SAMD5: variants seen among roughly 807,000 people sequenced by gnomAD.
SAMD5 encodes sterile alpha motif domain-containing protein 5.
Under a neutral mutation model 11.3 loss-of-function variants are expected in SAMD5, and 13 were observed. That is an observed-to-expected ratio of 1.15 (90% confidence interval 0.75 to 1.83). The LOEUF (loss-of-function observed/expected upper bound fraction) is 1.83. SAMD5 is among the 40% of genes most tolerant of loss of function. The pLI is 0.00. For missense variants in SAMD5, 255 were observed against 239.1 expected, an observed-to-expected ratio of 1.07 and a Z score of -0.44; for synonymous variants, 129 against 111.3, an observed-to-expected ratio of 1.16 and a Z score of -1.00.
chr6:147,784,503 T>A, the SAMD5 span, among the ~76,000 whole-genome samples: 1 of 152,202 alleles, frequency 6.6e-6, no homozygotes, highest in African/African-American at 2.4e-5. Context: ...GACATCTCAA[T>A]ATATGTTTTG....
chr6:147,631,840 T>C (rs1208172300), intron 1 of SAMD5, among the ~76,000 whole-genome samples: 1 of 152,126 alleles, frequency 6.6e-6, no homozygotes, highest in Non-Finnish European at 1.5e-5. Flanking sequence ...GAATAGCAGA[T>C]GGAACACTGA....
At chr6:147,532,655 A>C (rs1788447444) in intron 1 of SAMD5, among the ~76,000 whole-genome samples, 1 of 152,162 alleles carries the variant, frequency 6.6e-6, no homozygotes, top group Admixed American at 6.5e-5. Flanking sequence ...CTCAGCAGTG[A>C]GATTACTGGA....
chr6:147,669,826 G>T (rs1790772663), intron 1 of SAMD5, among the ~76,000 whole-genome samples: 1 of 151,982 alleles, frequency 6.6e-6, no homozygotes. Context: ...TCATTCATGA[G>T]GATTGGAATC....
At chr6:147,632,249 A>C (rs182701299) in intron 1 of SAMD5, among the ~76,000 whole-genome samples, 156 of 152,276 alleles carry the variant, frequency 1.0e-3, no homozygotes, top group Middle Eastern at 3.4e-3. Flanking sequence ...CCTTGAGAAG[A>C]GTTTTTATTA....
the SAMD5 span, among the ~76,000 whole-genome samples, chr6:147,913,150 A>G: frequency 6.7e-6 from 1 of 149,912 alleles, no homozygotes; most frequent in African/African-American, 2.5e-5. Context: ...AAATGAAAGC[A>G]AATTGAAACA....
Position 147,701,450 on chromosome 6 carries a change from A to G in SAMD5, c.163-35867A>G, listed in dbSNP as rs796118113. On this transcript the variant is annotated intron_variant, in intron 1 of 1. Coordinates refer to the SAMD5 transcript ENST00000566741. ...GGAGTTGGAGACCCGCCTGGCCAAC[A>G]TGGTAAAATCCTGTCTGTACTAAAA... 1.2e-4 allele frequency among the ~76,000 whole-genome samples: 18 copies of G among 152,262 alleles called. 2 individuals carry two copies. The highest frequency in any genetic ancestry group is 4.3e-4 in the African/African-American group (18 of 41,570).
intron 1 of SAMD5, among the ~76,000 whole-genome samples, chr6:147,656,706 C>T (rs1034089998): frequency 2.6e-5 from 4 of 152,034 alleles, no homozygotes; most frequent in Admixed American, 2.0e-4. Flanking sequence ...AGAAGTTTGA[C>T]GATACATTCT....
At chr6:147,741,576 G>A (rs1175168427), downstream of SAMD5, 4 of 152,246 alleles carry the variant, frequency 2.6e-5, no homozygotes, top group East Asian at 7.7e-4. Context: ...GGTTTTGAAT[G>A]ACGAGTGTGT....
At chr6:147,526,360 A>G (rs573645571) in intron 1 of SAMD5, among the ~76,000 whole-genome samples, 14 of 152,376 alleles carry the variant, frequency 9.2e-5, no homozygotes, top group South Asian at 4.1e-4. Context: ...AGGTGACAAT[A>G]CTATGAATGT....
chr6:147,795,062 A>G, the SAMD5 span, among the ~76,000 whole-genome samples: 4 of 150,592 alleles, frequency 2.7e-5, no homozygotes, highest in East Asian at 7.8e-4. Context: ...ATCCCATCCT[A>G]TTTTTTTTTA....
chr6:147,629,980 G>A (rs1285508066), intron 1 of SAMD5, among the ~76,000 whole-genome samples: 57 of 137,682 alleles, frequency 4.1e-4, no homozygotes, highest in Non-Finnish European at 7.8e-4. Flanking sequence ...ATGGAGTTTC[G>A]CTTTTGTTGC....
At chr6:147,745,610 G>T in the SAMD5 span, among the ~76,000 whole-genome samples, 75 of 152,226 alleles carry the variant, frequency 4.9e-4, no homozygotes, top group African/African-American at 1.8e-3. Flanking sequence ...GGTAAACCAG[G>T]AGAGTGCCAT....
intron 1 of SAMD5, among the ~76,000 whole-genome samples, chr6:147,580,980 A>G (rs1450936566): frequency 6.6e-6 from 1 of 152,152 alleles, no homozygotes; most frequent in Non-Finnish European, 1.5e-5. Context: ...ACCTCTTGAC[A>G]TTCTCTAGCC....
chr6:147,713,992 T>C (rs1022244451), intron 1 of SAMD5, among the ~76,000 whole-genome samples: 2 of 152,230 alleles, frequency 1.3e-5, no homozygotes, highest in Non-Finnish European at 2.9e-5. Context: ...TTTTTACTTC[T>C]GTGCATTTGT....
At chr6:147,699,392 C>T (rs1013200449) in intron 1 of SAMD5, among the ~76,000 whole-genome samples, 1 of 152,170 alleles carries the variant, frequency 6.6e-6, no homozygotes, top group African/African-American at 2.4e-5. Context: ...CCTTGCCCCA[C>T]CTACTTGTAC....
intron 1 of SAMD5, among the ~76,000 whole-genome samples, chr6:147,737,156 T>C (rs920722926): frequency 2.0e-5 from 3 of 152,154 alleles, no homozygotes. Context: ...TACATACATA[T>C]ATAGTAATGT....
chr6:147,822,823 T>C, the SAMD5 span, among the ~76,000 whole-genome samples: 4 of 152,186 alleles, frequency 2.6e-5, no homozygotes, highest in Non-Finnish European at 5.9e-5. Context: ...ATTTTATTTA[T>C]GTATTTTTTG....
At chr6:147,554,798 C>A (rs146712758) in intron 1 of SAMD5, among the ~76,000 whole-genome samples, 8 of 152,130 alleles carry the variant, frequency 5.3e-5, no homozygotes, top group Admixed American at 5.2e-4. Context: ...CTTGGTTGGA[C>A]GCTTGATGCT....
the SAMD5 span, among the ~76,000 whole-genome samples, chr6:147,835,059 C>T: frequency 1.3e-5 from 2 of 151,814 alleles, no homozygotes; most frequent in South Asian, 2.1e-4. Flanking sequence ...GGCAAAACCC[C>T]GTCTCTACTA....
Sources: gnomAD v4.1 joint callset for allele counts (sites outside exome capture counted in the v4.1 genomes callset) on GRCh38, gnomAD v4.1.1 for gene constraint, MANE v1.5 for transcripts, NCBI Gene and HGNC (gene_info 2026-07-23, HGNC 2026-07-21) for gene names.